The following UMOD variants were observed in gnomAD, a reference collection of about 807,000 sequenced individuals.
UMOD encodes uromodulin, also known as Tamm-Horsfall urinary glycoprotein.
In UMOD, 64 loss-of-function variants were observed where a neutral mutation model predicts 66.0. That is an observed-to-expected ratio of 0.97 (90% CI 0.79 to 1.19). The LOEUF (loss-of-function observed/expected upper bound fraction) is 1.19. Among genes scored for constraint, UMOD ranks in the 50% most tolerant of loss-of-function variants. The probability of loss-of-function intolerance (pLI) is 0.00; values close to 1 mark genes in which losing one functional copy is unlikely to be tolerated. For synonymous variants in UMOD, 398 were observed against 352.7 expected, an observed-to-expected ratio of 1.13 and a Z score of -1.44; for missense variants, 764 against 850.9, an observed-to-expected ratio of 0.90 and a Z score of 1.27.
At chr16:20,346,105 C>A in intron 5 of UMOD, 21 bp downstream of exon 5, 2 of 1,610,086 alleles carry the variant, frequency 1.2e-6, no homozygotes, top group Non-Finnish European at 1.7e-6. Flanking sequence ...CTGGTTCTGT[C>A]CCCCACTGGC....
upstream of UMOD, among the ~76,000 whole-genome samples, chr16:20,355,409 C>CT (rs71377648): frequency 0.14 from 19,331 of 139,242 alleles, 1,535 homozygotes; most frequent in Middle Eastern, 0.19. Context: ...TTTTCTTCTT[C>CT]TTTTTTTTTT....
chr16:20,338,148 G>T (rs1394962560), intron 7 of UMOD, among the ~76,000 whole-genome samples: 3 of 152,216 alleles, frequency 2.0e-5, no homozygotes. Context: ...TTAGCTCTGT[G>T]TCTCCCATAA....
chr16:20,345,735 C>T (rs1965544427), intron 5 of UMOD, among the ~76,000 whole-genome samples: 2 of 151,950 alleles, frequency 1.3e-5, no homozygotes, highest in Admixed American at 6.6e-5. Context: ...AGGATACAGA[C>T]CTTGCCTTCC....
Position 20,349,120 on chromosome 16 carries a change from G to C in UMOD, c.181C>G (p.Leu61Val). The C allele has an allele frequency of 2.5e-6, 4 of 1,614,054 alleles. No individual in the cohort carries two copies. The highest frequency in any genetic ancestry group is 3.4e-6 in the Non-Finnish European group (4 of 1,180,010). Residue 61 changes from leucine (L) to valine (V), a missense_variant, in exon 3 of 11, where the codon CTG (leucine) becomes GTG (valine). Leu to Val is a conservative substitution (Grantham distance 32). Coordinates refer to ENST00000396138, the MANE Select transcript of UMOD (RefSeq NM_003361.4). ...CACTCATCCAGGTCCACGCAGGTCA[G>C]GCCATCGCCGGTGAAGCCCTCCTGA... ...TCQEGFTGDG[L>V]TCVDLDECAI...
At chr16:20,334,534 G>A (rs1244411772) in intron 10 of UMOD, among the ~76,000 whole-genome samples, 2 of 152,152 alleles carry the variant, frequency 1.3e-5, no homozygotes, top group Non-Finnish European at 2.9e-5. Flanking sequence ...AAACATGTCT[G>A]GATGACCTAC....
intron 9 of UMOD, among the ~76,000 whole-genome samples, chr16:20,335,828 G>C (rs2141630097): frequency 6.6e-6 from 1 of 152,210 alleles, no homozygotes; most frequent in South Asian, 2.1e-4. Flanking sequence ...CAGGCCCTTT[G>C]CCCAAGCTGT....
chr16:20,335,764 C>A (rs1420582002), intron 9 of UMOD, among the ~76,000 whole-genome samples: 1 of 152,212 alleles, frequency 6.6e-6, no homozygotes, highest in Non-Finnish European at 1.5e-5. Context: ...TCATCCCACA[C>A]AACTCCCCTG....
chr16:20,345,417 TTTCTTTCTTTCTCTTTCTTTCTTTC>T, intron 5 of UMOD, among the ~76,000 whole-genome samples: 1 of 97,722 alleles, frequency 1.0e-5, no homozygotes, highest in South Asian at 3.0e-4. Context: ...TCTTTCTTTC[TTTCTTTCTTTCTCTTTCTTTCTTTC>T]TTCCTTTCTT....
intron 2 of UMOD, chr16:20,349,686 GTAA>G (rs1965794969): frequency 1.6e-5 from 23 of 1,469,582 alleles, no homozygotes; most frequent in Admixed American, 5.4e-5. Context: ...ATTCAGAAAA[GTAA>G]TGCGCAGAAT....
In UMOD at chr16:20,341,296, C is replaced by G. The variant is rs55772253; in HGVS notation, c.1372G>C (p.Val458Leu). 37 of 1,613,818 alleles carry G rather than the reference C, an allele frequency of 2.3e-5. No homozygotes were observed. In the East Asian group the frequency reaches 8.2e-4, roughly 36 times the overall value. Residue 458 changes from valine (V) to leucine (L), a missense_variant, in exon 7 of 11, where the codon GTG (valine) becomes CTG (leucine). By Grantham distance (32) the Val-to-Leu change is conservative (BLOSUM62 1). Transcript: ENST00000396138. The part of the protein sequence containing the change: ...IRVGGTGMFT[V>L]RMALFQTPSY... Reference sequence around the variant, plus strand: ...GGGGTCTGGAAGAGCGCCATCCGCACGGTGAACATGCCGGTCCCGCCCACT... The same window carrying G: ...GGGGTCTGGAAGAGCGCCATCCGCAGGGTGAACATGCCGGTCCCGCCCACT...
At chr16:20,341,436 T>A (rs1034022902) in intron 6 of UMOD, 100 bp from the exon 7 acceptor site, 23 of 1,578,932 alleles carry the variant, frequency 1.5e-5, no homozygotes, top group African/African-American at 4.0e-5. Context: ...TTGCAGTTAT[T>A]TGCATTTTTA....
rs182992435 is a variant in UMOD at position 20,340,767 on chromosome 16, G to T, written c.1577+324C>A. ...CCCAGCACTTTGGGAGGCCAAGGGG[G>T]TGGATCACTTGAGGTCAGGAGTTCA... On this transcript the variant is annotated intron_variant, in intron 7 of 10. Coordinates refer to ENST00000396138, the MANE Select transcript of UMOD (RefSeq NM_003361.4). Among the ~76,000 whole-genome samples the T allele has an allele frequency of 7.3e-3, 1,113 of 152,062 alleles. 13 individuals are homozygous for T. The highest frequency in any genetic ancestry group is 0.026 in the African/African-American group (1,066 of 41,500).
Position 20,348,870 on chromosome 16 carries a change from T to TC in UMOD, c.430dup (p.Asp144GlyfsTer6). 2 of 1,549,282 alleles carry TC rather than the reference T, an allele frequency of 1.3e-6. No individual in the cohort carries two copies. The highest frequency in any genetic ancestry group is 1.7e-6 in the Non-Finnish European group (2 of 1,147,568). On this transcript the variant is annotated frameshift_variant, in exon 3 of 11. Transcript: ENST00000396138. LOFTEE classifies it high-confidence loss of function. ...CGGGGAGCACTCACAGTGCCATCCATCCCCCCGGTAGCCCGCGGGGCATAC... is the reference window on the plus strand; with the variant it reads ...CGGGGAGCACTCACAGTGCCATCCATCCCCCCCGGTAGCCCGCGGGGCATAC...
intron 10 of UMOD, among the ~76,000 whole-genome samples, chr16:20,334,340 G>A (rs1596535942): frequency 6.6e-6 from 1 of 152,152 alleles, no homozygotes; most frequent in Admixed American, 6.5e-5. Flanking sequence ...TGTTAGAGAG[G>A]AGCCTTGGAG....
intron 2 of UMOD, chr16:20,349,986 A>G: frequency 8.5e-7 from 1 of 1,172,764 alleles, no homozygotes; most frequent in Non-Finnish European, 1.1e-6. Context: ...AATACTTCCC[A>G]AGGGCCTCGT....
rs954219342 is a variant in UMOD at position 20,345,309 on chromosome 16, C to T, written c.1182+817G>A. ...GATTACAGGCGTGAGCCACCATGCCCGGCCAACATTAAATCTTTCTTTTTC... is the reference window on the plus strand; with the variant it reads ...GATTACAGGCGTGAGCCACCATGCCTGGCCAACATTAAATCTTTCTTTTTC... On this transcript the variant is annotated intron_variant, in intron 5 of 10. Transcript: ENST00000396138. Among the ~76,000 whole-genome samples the T allele has an allele frequency of 3.3e-5, 5 of 152,226 alleles. No individual in the cohort carries two copies. In the South Asian group the frequency reaches 8.3e-4, roughly 25 times the overall value.
upstream of UMOD, among the ~76,000 whole-genome samples, chr16:20,354,776 G>T (rs562346940): frequency 1.2e-4 from 18 of 152,108 alleles, no homozygotes; most frequent in South Asian, 3.7e-3. Flanking sequence ...GATCATGGAG[G>T]GACTGCCCCT....
intron 7 of UMOD, among the ~76,000 whole-genome samples, chr16:20,339,086 T>C (rs556213970): frequency 6.6e-6 from 1 of 152,282 alleles, no homozygotes; most frequent in South Asian, 2.1e-4. Context: ...AGTTTTAAAA[T>C]CCCAGCATAG....
chr16:20,348,217 C>G lies in UMOD; in HGVS notation c.973+6G>C. The G allele has an allele frequency of 6.2e-7, 1 of 1,612,548 alleles. No homozygotes were observed. Among genetic ancestry groups the G allele is most frequent in the East Asian group, 2.2e-5 (1 of 44,890 alleles). On this transcript the variant is annotated splice_donor_region_variant and intron_variant, in intron 4 of 10. Transcript: ENST00000396138. ...CAACAACCCGCTTCCTCCCCACTGG[C>G]CTCACCAGTGATGTTGAAGTCCTGT...
Sources: gnomAD v4.1 joint callset for allele counts (sites outside exome capture counted in the v4.1 genomes callset) on GRCh38, gnomAD v4.1.1 for gene constraint, MANE v1.5 for transcripts, NCBI Gene and HGNC (gene_info 2026-07-23, HGNC 2026-07-21) for gene names.